Variants in TTLL11 observed in about 807,000 individuals in gnomAD.
TTLL11 encodes the protein tubulin tyrosine ligase like 11, also known as tubulin polyglutamylase TTLL11.
Under a neutral mutation model 51.7 loss-of-function variants are expected in TTLL11, and 42 were observed. The observed-to-expected ratio is 0.81, with a 90% CI of 0.64 to 1.05. The LOEUF is 1.05. Ranked by LOEUF, TTLL11 falls within the 50% of genes least tolerant of loss-of-function variation. TTLL11 has a pLI of 0.00. For missense variants in TTLL11, 799 were observed against 940.4 expected, an observed-to-expected ratio of 0.85 and a Z score of 1.97; for synonymous variants, 381 against 383.5, an observed-to-expected ratio of 0.99 and a Z score of 0.08.
At chr9:122,007,579 ATAT>A (rs1843693069) in intron 3 of TTLL11, among the ~76,000 whole-genome samples, 1 of 152,224 alleles carries the variant, frequency 6.6e-6, no homozygotes, top group African/African-American at 2.4e-5. Flanking sequence ...TGATGGTAAA[ATAT>A]TATAACCCAC....
intron 3 of TTLL11, among the ~76,000 whole-genome samples, chr9:122,029,626 G>A (rs774576424): frequency 2.6e-5 from 4 of 152,184 alleles, no homozygotes; most frequent in Non-Finnish European, 5.9e-5. Context: ...TTACAAAAGA[G>A]TCTAAAAGGT....
chr9:122,014,009 C>T (rs1023245768), intron 3 of TTLL11, among the ~76,000 whole-genome samples: 21 of 152,128 alleles, frequency 1.4e-4, no homozygotes, highest in South Asian at 1.0e-3. Context: ...GAAGCCTTGG[C>T]GGGTGGGGGA....
chr9:121,923,404 G>A (rs1840608892), intron 6 of TTLL11, among the ~76,000 whole-genome samples: 1 of 151,434 alleles, frequency 6.6e-6, no homozygotes, highest in Admixed American at 6.6e-5. Flanking sequence ...TAAAATTGCT[G>A]GTAGAAGTTA....
At chr9:122,074,611 G>T (rs1845811544) in intron 1 of TTLL11, among the ~76,000 whole-genome samples, 1 of 151,652 alleles carries the variant, frequency 6.6e-6, no homozygotes, top group East Asian at 1.9e-4. Flanking sequence ...CAATAATCAA[G>T]AGACCATGTG....
Position 121,819,937 on chromosome 9 carries a change from A to C in TTLL11, c.*2650T>G, listed in dbSNP as rs1157433248. On this transcript the variant is annotated 3_prime_UTR_variant, in exon 9 of 9. Transcript: ENST00000321582. Reference sequence around the variant, plus strand: ...AGCAGCCTCGAAATGCTTTCAGTTAAACTGAAAAGGGCCAATCTGTCAGGA... The same window carrying C: ...AGCAGCCTCGAAATGCTTTCAGTTACACTGAAAAGGGCCAATCTGTCAGGA... Among the ~76,000 whole-genome samples the C allele has an allele frequency of 6.6e-6, 1 of 152,142 alleles. No individual in the cohort carries two copies. The highest frequency in any genetic ancestry group is 1.5e-5 in the Non-Finnish European group (1 of 68,024).
At chr9:122,028,841 A>G (rs1364862365) in intron 3 of TTLL11, among the ~76,000 whole-genome samples, 1 of 152,238 alleles carries the variant, frequency 6.6e-6, no homozygotes, top group South Asian at 2.1e-4. Flanking sequence ...TGTCAACAAA[A>G]TTAAATTAGA....
intron 6 of TTLL11, among the ~76,000 whole-genome samples, chr9:121,928,359 A>G (rs562637435): frequency 6.6e-6 from 1 of 152,248 alleles, no homozygotes; most frequent in Non-Finnish European, 1.5e-5. Flanking sequence ...CCATGAAACC[A>G]TCACTACAAT....
intron 6 of TTLL11, among the ~76,000 whole-genome samples, chr9:121,924,863 T>G (rs536786670): frequency 1.3e-5 from 2 of 152,214 alleles, no homozygotes; most frequent in African/African-American, 2.4e-5. Context: ...GAGAGACATC[T>G]TAACTCTCCC....
chr9:121,951,604 A>G (rs1758985701), intron 6 of TTLL11, among the ~76,000 whole-genome samples: 1 of 152,216 alleles, frequency 6.6e-6, no homozygotes, highest in Non-Finnish European at 1.5e-5. Context: ...ACTGATTATT[A>G]TCTCTATTTT....
Position 121,927,960 on chromosome 9 carries a change from A to C in TTLL11, c.1481+46049T>G, listed in dbSNP as rs567029239. Reference sequence around the variant, plus strand: ...TAAATCTCAAATGTTGATGTGCTTCAGAAGTCAGCATAGGAGCTTGTTAAG... The same window carrying C: ...TAAATCTCAAATGTTGATGTGCTTCCGAAGTCAGCATAGGAGCTTGTTAAG... On this transcript the variant is annotated intron_variant, in intron 6 of 8. Coordinates refer to ENST00000321582, the MANE Select transcript of TTLL11 (RefSeq NM_001139442.2). Among the ~76,000 whole-genome samples the C allele has an allele frequency of 5.9e-5, 9 of 152,318 alleles. No homozygotes were observed. The South Asian group carries it at 1.9e-3, about 32-fold the overall frequency.
intron 6 of TTLL11, among the ~76,000 whole-genome samples, chr9:121,901,394 T>G (rs1327141605): frequency 6.6e-6 from 1 of 152,180 alleles, no homozygotes; most frequent in East Asian, 1.9e-4. Flanking sequence ...GTAGGAATTC[T>G]TAGTGTTCCA....
Position 121,989,454 on chromosome 9 carries a change from C to A in TTLL11, c.1010G>T (p.Arg337Leu), listed in dbSNP as rs199708627. ...ATAGTTGGTTAAGTGCATAAAGATG[C>A]GGTGCAGGTTTTTGGGGGTGGGCTC... ...YQEPTPKNLH[R>L]IFMHLTNYSL... is the part of the protein sequence containing the mutation. The change falls in exon 4 of 9, where the codon CGC becomes CTC. Residue 337 changes from arginine (R) to leucine (L), a missense_variant. Arg to Leu is a moderately radical substitution (Grantham distance 102). This residue lies in a region of TTLL11 where 468 missense variants were observed against 612.8 expected (regional missense o/e 0.76). Coordinates refer to ENST00000321582, the MANE Select transcript of TTLL11 (RefSeq NM_001139442.2). The surrounding 1 kb of genome is among the most constrained non-coding windows in gnomAD (Gnocchi z 4.2). The A allele has an allele frequency of 1.1e-5, 18 of 1,614,098 alleles. No homozygotes were observed. The highest frequency in any genetic ancestry group is 1.4e-5 in the Non-Finnish European group (17 of 1,180,018).
intron 6 of TTLL11, among the ~76,000 whole-genome samples, chr9:121,895,673 ATG>A (rs1192395835): frequency 2.5e-4 from 5 of 20,266 alleles, no homozygotes; most frequent in African/African-American, 3.9e-4. Context: ...GTGTGTGTTT[ATG>A]TGTGTCTGTG....
chr9:121,842,398 T>C (rs7037727), intron 8 of TTLL11, among the ~76,000 whole-genome samples: 90,202 of 152,008 alleles, frequency 0.59, 26,980 homozygotes, highest in East Asian at 0.72. Flanking sequence ...ACCAGGATTA[T>C]AGGTGCATGC....
At chr9:121,895,551 A>G (rs935300681) in intron 6 of TTLL11, among the ~76,000 whole-genome samples, 2 of 142,654 alleles carry the variant, frequency 1.4e-5, no homozygotes, top group Non-Finnish European at 3.1e-5. Flanking sequence ...TTCGTTGTAC[A>G]TATGTGTGTG....
At position 121,844,287 on chromosome 9, in the gene TTLL11, T is replaced by C. The variant is rs1251898606; in HGVS notation, c.1840+16050A>G. 2.5e-4 allele frequency among the ~76,000 whole-genome samples: 37 copies of C among 149,578 alleles called. 1 individual carries two copies. ...AGTTTTTAAGGAAATACGAAGGCAATAGGGAGAGAAAAAAAAACAAAACAA... is the reference window on the plus strand; with the variant it reads ...AGTTTTTAAGGAAATACGAAGGCAACAGGGAGAGAAAAAAAAACAAAACAA... On this transcript the variant is annotated intron_variant, in intron 8 of 8. Coordinates refer to ENST00000321582, the MANE Select transcript of TTLL11 (RefSeq NM_001139442.2).
At chr9:121,865,258 C>T (rs772801322) in intron 7 of TTLL11, among the ~76,000 whole-genome samples, 89 of 152,160 alleles carry the variant, frequency 5.8e-4, no homozygotes, top group Middle Eastern at 6.8e-3. Context: ...TAAAGCCCCC[C>T]GCAGCTACCC....
intron 6 of TTLL11, among the ~76,000 whole-genome samples, chr9:121,958,504 G>A (rs1019344792): frequency 6.6e-5 from 10 of 152,070 alleles, no homozygotes; most frequent in Non-Finnish European, 1.5e-4. Flanking sequence ...AGGACTTCCA[G>A]TACCCACTCC....
chr9:121,870,200 G>T (rs1017006525), intron 7 of TTLL11, among the ~76,000 whole-genome samples: 24 of 152,180 alleles, frequency 1.6e-4, no homozygotes, highest in African/African-American at 5.5e-4. Flanking sequence ...AGGTCTGCCT[G>T]ACTCCAAGGG....
Sources: allele counts gnomAD v4.1 joint callset (sites outside exome capture counted in the v4.1 genomes callset), GRCh38; gene constraint gnomAD v4.1.1; regional missense constraint gnomAD v4.1.1; non-coding constraint Gnocchi (gnomAD v3.1); transcripts MANE v1.5; gene names NCBI Gene and HGNC (gene_info 2026-07-23, HGNC 2026-07-21).